Variants in STPG4 observed in about 807,000 individuals in gnomAD.
STPG4 encodes protein STPG4.
A neutral mutation model predicts 31.5 loss-of-function variants in STPG4; 41 were observed. The ratio of observed to expected loss-of-function variants is 1.30; its 90% confidence interval spans 1.01 to 1.69. The LOEUF (loss-of-function observed/expected upper bound fraction) is 1.69. Among genes scored for constraint, STPG4 ranks in the 40% most tolerant of loss-of-function variants. The pLI is 0.00. For synonymous variants in STPG4, 141 were observed against 103.0 expected, an observed-to-expected ratio of 1.37 and a Z score of -2.24; for missense variants, 375 against 293.4, an observed-to-expected ratio of 1.28 and a Z score of -2.03.
At chr2:47,153,101 A>G in intron 1 of STPG4, 85 bp from the exon 2 acceptor site, 1 of 993,164 alleles carries the variant, frequency 1.0e-6, no homozygotes, top group Non-Finnish European at 1.5e-6. Flanking sequence ...TTGCTTGAAG[A>G]AATTCACACC....
chr2:47,097,910 G>C (rs113191573), intron 5 of STPG4, among the ~76,000 whole-genome samples: 1,724 of 149,850 alleles, frequency 0.012, 36 homozygotes, highest in African/African-American at 0.04. Flanking sequence ...TTGAGGCCAG[G>C]AGTTTGAGAC....
At chr2:47,125,258 A>C (rs1686343120) in intron 5 of STPG4, among the ~76,000 whole-genome samples, 1 of 151,998 alleles carries the variant, frequency 6.6e-6, no homozygotes, top group African/African-American at 2.4e-5. Flanking sequence ...CCATTTCTAC[A>C]AAAAAATACA....
At chr2:47,114,008 G>A (rs545156546) in intron 5 of STPG4, among the ~76,000 whole-genome samples, 12 of 149,160 alleles carry the variant, frequency 8.0e-5, no homozygotes, top group Middle Eastern at 3.5e-3. Flanking sequence ...CAGCCTGGGC[G>A]ACAAAGTGAG....
chr2:47,099,832 G>T (rs1685753328), intron 5 of STPG4, among the ~76,000 whole-genome samples: 1 of 152,258 alleles, frequency 6.6e-6, no homozygotes, highest in Non-Finnish European at 1.5e-5. Context: ...CAGAGCAGCT[G>T]GTGGGCCCTG....
intron 5 of STPG4, among the ~76,000 whole-genome samples, chr2:47,123,676 G>T (rs770976302): frequency 6.6e-6 from 1 of 151,932 alleles, no homozygotes; most frequent in African/African-American, 2.4e-5. Flanking sequence ...CTCATTTCTC[G>T]TATATCTTCA....
rs111597049 is a variant in STPG4 at position 47,151,245 on chromosome 2, A to G, written c.399+13T>C. 3,268 of 1,613,634 alleles carry G rather than the reference A, an allele frequency of 2.0e-3. 2 individuals are homozygous for G. Among genetic ancestry groups the G allele is most frequent in the Non-Finnish European group, 2.6e-3 (3,104 of 1,179,654 alleles). On this transcript the variant is annotated intron_variant, in intron 3 of 6. Coordinates refer to ENST00000445927, the MANE Select transcript of STPG4 (RefSeq NM_001163561.2). ...GCTTTCCCACACAAAGCAATCTGCC[A>G]GTAGCGCTTTACCTGATCTTTGTCA...
At chr2:47,105,877 G>A (rs1685899651) in intron 5 of STPG4, among the ~76,000 whole-genome samples, 1 of 151,992 alleles carries the variant, frequency 6.6e-6, no homozygotes, top group Non-Finnish European at 1.5e-5. Flanking sequence ...CCTAATCTCT[G>A]GGGAAACCCC....
intron 3 of STPG4, 113 bp downstream of exon 3, chr2:47,151,145 C>G: frequency 2.3e-6 from 3 of 1,317,614 alleles, no homozygotes; most frequent in Non-Finnish European, 3.1e-6. Context: ...AATAAGACAT[C>G]TTAAAGGTTT....
intron 1 of STPG4, 36 bp from the exon 2 acceptor site, chr2:47,153,052 G>C (rs1686968373): frequency 1.3e-6 from 2 of 1,515,476 alleles, no homozygotes; most frequent in Non-Finnish European, 9.1e-7. Flanking sequence ...ATTCATTTGA[G>C]AGGTGATCCC....
intron 3 of STPG4, among the ~76,000 whole-genome samples, chr2:47,145,758 AT>A (rs1182117883): frequency 6.6e-6 from 1 of 152,232 alleles, no homozygotes; most frequent in Non-Finnish European, 1.5e-5. Context: ...AGCAAAACAG[AT>A]AAATATTCAT....
rs145679913 is a variant in STPG4, at chr2:47,123,973, T to TTTTA, written c.519+5964_519+5967dup. Among the ~76,000 whole-genome samples, 716 of 152,130 alleles carry TTTTA rather than the reference T, an allele frequency of 4.7e-3. 5 individuals carry two copies. The highest frequency in any genetic ancestry group is 0.016 in the African/African-American group (671 of 41,516). ...CATGCCAATTATACTCTTATTTTTA[T>TTTTA]TTTATTTATTTATTTATTTATTTTT... is the stretch of plus-strand genomic sequence containing the variant. On this transcript the variant is annotated intron_variant, in intron 5 of 6. Coordinates refer to ENST00000445927, the MANE Select transcript of STPG4 (RefSeq NM_001163561.2).
intron 3 of STPG4, among the ~76,000 whole-genome samples, chr2:47,137,513 T>C (rs1686620070): frequency 6.6e-6 from 1 of 152,172 alleles, no homozygotes; most frequent in Non-Finnish European, 1.5e-5. Flanking sequence ...AGGAGGTGTG[T>C]CCCCTGCCCT....
chr2:47,147,688 G>A (rs996105540), intron 3 of STPG4, among the ~76,000 whole-genome samples: 10 of 151,968 alleles, frequency 6.6e-5, no homozygotes, highest in Non-Finnish European at 8.8e-5. Flanking sequence ...AGGGAAGGGG[G>A]CTAATATCAA....
chr2:47,150,420 T>G (rs1686911555), intron 3 of STPG4, among the ~76,000 whole-genome samples: 1 of 152,084 alleles, frequency 6.6e-6, no homozygotes, highest in Non-Finnish European at 1.5e-5. Flanking sequence ...TCAGTAGTGC[T>G]CTTTATTATC....
chr2:47,141,079 G>A (rs1686693618), intron 3 of STPG4, among the ~76,000 whole-genome samples: 1 of 151,880 alleles, frequency 6.6e-6, no homozygotes, highest in Non-Finnish European at 1.5e-5. Flanking sequence ...TAGAGATGGG[G>A]TTTCACCATA....
rs371739504 is a variant in STPG4, at chr2:47,123,691, T to C, written c.519+6250A>G. ...CTCATTTCTCGTATATCTTCAGATA[T>C]ACTTTATGTATATCTTAAATCAATT... is the stretch of plus-strand genomic sequence containing the variant. On this transcript the variant is annotated intron_variant, in intron 5 of 6. Transcript: ENST00000445927. Among the ~76,000 whole-genome samples, 5 of 150,908 alleles carry C rather than the reference T, an allele frequency of 3.3e-5. No homozygotes were observed. The East Asian group carries it at 5.8e-4, about 17-fold the overall frequency.
At position 47,090,267 on chromosome 2, in the gene STPG4, T is replaced by C; in HGVS notation, c.624+3A>G. On this transcript the variant is annotated splice_donor_region_variant and intron_variant, in intron 6 of 6. Coordinates refer to ENST00000445927, the MANE Select transcript of STPG4 (RefSeq NM_001163561.2). ...GGGGCGATCTGTCTTTCCGAATACT[T>C]ACTGAACAGCTGGGCAAGAATCGAG... 1 of 1,547,748 alleles carries C rather than the reference T, an allele frequency of 6.5e-7. No individual in the cohort carries two copies. The highest frequency in any genetic ancestry group is 1.4e-5 in the African/African-American group (1 of 73,058).
intron 5 of STPG4, among the ~76,000 whole-genome samples, chr2:47,128,513 C>T (rs1420728653): frequency 6.6e-6 from 1 of 152,082 alleles, no homozygotes; most frequent in Non-Finnish European, 1.5e-5. Context: ...GCACCCAAGC[C>T]AGAAGACAAA....
chr2:47,110,463 G>C (rs577123177), intron 5 of STPG4, among the ~76,000 whole-genome samples: 1 of 152,094 alleles, frequency 6.6e-6, no homozygotes, highest in Admixed American at 6.6e-5. Context: ...GCCTGGTGGC[G>C]GGCACCTGTA....
Sources: gnomAD v4.1 joint callset for allele counts (sites outside exome capture counted in the v4.1 genomes callset) on GRCh38, gnomAD v4.1.1 for gene constraint, MANE v1.5 for transcripts, NCBI Gene and HGNC (gene_info 2026-07-23, HGNC 2026-07-21) for gene names.